Variants in ITPR1 observed in about 807,000 individuals in gnomAD.
The protein encoded by ITPR1 is inositol 1,4,5-trisphosphate-gated calcium channel ITPR1.
In ITPR1, 96 loss-of-function variants were observed where a neutral mutation model predicts 318.4. The observed-to-expected ratio is 0.30, with a 90% CI of 0.26 to 0.36. The LOEUF is 0.36. Among genes scored for constraint, ITPR1 ranks in the 10% least tolerant of loss-of-function variants. ITPR1 has a pLI of 1.00. For synonymous variants in ITPR1, 1,312 were observed against 1,289.9 expected, an observed-to-expected ratio of 1.02 and a Z score of -0.37; for missense variants, 2,440 against 3,460.2, an observed-to-expected ratio of 0.71 and a Z score of 7.40.
chr3:4,626,121 C>G (rs56654107), intron 4 of ITPR1, among the ~76,000 whole-genome samples: 3 of 151,870 alleles, frequency 2.0e-5, no homozygotes, highest in Non-Finnish European at 4.4e-5. Flanking sequence ...GCACTCCAGC[C>G]TGGGCAACAT....
intron 4 of ITPR1, among the ~76,000 whole-genome samples, chr3:4,603,074 G>A (rs1055568840): frequency 1.3e-5 from 2 of 151,992 alleles, no homozygotes; most frequent in Non-Finnish European, 2.9e-5. Context: ...GAAACAACAG[G>A]CATCAAATAA....
chr3:4,609,054 A>ATG (rs1380579466), intron 4 of ITPR1, among the ~76,000 whole-genome samples: 4 of 41,124 alleles, frequency 9.7e-5, no homozygotes, highest in Non-Finnish European at 1.5e-4. Flanking sequence ...ACAACGAAAT[A>ATG]TATATATATA....
At chr3:4,694,881 C>A (rs942905719) in intron 33 of ITPR1, among the ~76,000 whole-genome samples, 2 of 152,126 alleles carry the variant, frequency 1.3e-5, no homozygotes, top group African/African-American at 4.8e-5. Context: ...TTTCCCACCA[C>A]CCTACAGAAA....
intron 7 of ITPR1, among the ~76,000 whole-genome samples, chr3:4,643,374 C>T (rs898147628): frequency 1.3e-5 from 2 of 152,210 alleles, no homozygotes; most frequent in Non-Finnish European, 2.9e-5. Context: ...ATTTTCAGCA[C>T]ATCCTTTGGT....
At chr3:4,761,326 T>G (rs970200146) in intron 44 of ITPR1, among the ~76,000 whole-genome samples, 6 of 152,058 alleles carry the variant, frequency 3.9e-5, no homozygotes, top group Non-Finnish European at 7.4e-5. Context: ...GAGTACCCAA[T>G]GTTTATCTCT....
At chr3:4,611,934 C>T (rs1265110166) in intron 4 of ITPR1, among the ~76,000 whole-genome samples, 1 of 147,564 alleles carries the variant, frequency 6.8e-6, no homozygotes, top group Non-Finnish European at 1.5e-5. Flanking sequence ...CTTTCCATGT[C>T]TGAAGGTTCC....
chr3:4,795,308 A>G (rs2047828686), intron 53 of ITPR1, 121 bp downstream of exon 53: 2 of 798,462 alleles, frequency 2.5e-6, no homozygotes, highest in East Asian at 3.0e-5. Flanking sequence ...ATCCACATTC[A>G]GACAAGAGGA....
chr3:4,548,770 T>C (rs1193270819), intron 4 of ITPR1, among the ~76,000 whole-genome samples: 3 of 152,214 alleles, frequency 2.0e-5, no homozygotes, highest in African/African-American at 4.8e-5. Context: ...AAATAACTAA[T>C]GACCTTTTAA....
chr3:4,682,830 CAAT>C (rs1379676164), intron 26 of ITPR1, among the ~76,000 whole-genome samples: 1 of 152,134 alleles, frequency 6.6e-6, no homozygotes, highest in Non-Finnish European at 1.5e-5. Context: ...GGTGCAGACC[CAAT>C]AATTGACTAG....
At chr3:4,802,966 CTA>C (rs1466271517) in intron 54 of ITPR1, among the ~76,000 whole-genome samples, 2 of 152,126 alleles carry the variant, frequency 1.3e-5, no homozygotes, top group African/African-American at 4.8e-5. Context: ...TCTCACATTG[CTA>C]TAAAATGCCT....
chr3:4,617,575 A>G (rs1323981008), intron 4 of ITPR1, among the ~76,000 whole-genome samples: 1 of 152,216 alleles, frequency 6.6e-6, no homozygotes, highest in Non-Finnish European at 1.5e-5. Context: ...AAATGTCAGC[A>G]TGAGTTTTGG....
At chr3:4,722,228 G>A (rs1414305259) in intron 40 of ITPR1, among the ~76,000 whole-genome samples, 8 of 152,218 alleles carry the variant, frequency 5.3e-5, no homozygotes, top group Admixed American at 5.2e-4. Flanking sequence ...CAAGATTGCA[G>A]AGTAAATATG....
At chr3:4,514,943 G>C (rs1386662991) in intron 2 of ITPR1, among the ~76,000 whole-genome samples, 1 of 152,196 alleles carries the variant, frequency 6.6e-6, no homozygotes, top group African/African-American at 2.4e-5. Flanking sequence ...TTCTAGAGTG[G>C]TACTTGGCAA....
At chr3:4,607,954 G>A (rs1049902817) in intron 4 of ITPR1, among the ~76,000 whole-genome samples, 4 of 152,082 alleles carry the variant, frequency 2.6e-5, no homozygotes, top group Admixed American at 2.0e-4. Flanking sequence ...ATTCAGGCTC[G>A]TCCATCTGCC....
chr3:4,500,428 C>T (rs2080933465), intron 2 of ITPR1, among the ~76,000 whole-genome samples: 1 of 152,166 alleles, frequency 6.6e-6, no homozygotes, highest in Middle Eastern at 3.4e-3. Context: ...TCTCAAACAC[C>T]TAGGCTCAAG....
chr3:4,672,536 G>A (rs914778305), intron 20 of ITPR1, among the ~76,000 whole-genome samples: 5 of 152,202 alleles, frequency 3.3e-5, no homozygotes, highest in Non-Finnish European at 7.3e-5. Flanking sequence ...CTTCTCCCAA[G>A]TGAATGAGAA....
chr3:4,785,572 C>CTT (rs3079648), intron 51 of ITPR1, among the ~76,000 whole-genome samples: 95,387 of 151,892 alleles, frequency 0.63, 30,343 homozygotes, highest in East Asian at 0.89. Flanking sequence ...GAGCAAATAT[C>CTT]TGATTTATCA....
At chr3:4,575,836 T>C (rs1318222472) in intron 4 of ITPR1, among the ~76,000 whole-genome samples, 1 of 151,496 alleles carries the variant, frequency 6.6e-6, no homozygotes, top group African/African-American at 2.4e-5. Flanking sequence ...GCCTGGGCAA[T>C]ATAGTGAGAC....
intron 33 of ITPR1, among the ~76,000 whole-genome samples, chr3:4,695,555 C>T (rs970642294): frequency 6.6e-6 from 1 of 152,162 alleles, no homozygotes; most frequent in African/African-American, 2.4e-5. Context: ...CTGTCCTCAC[C>T]TCCCCCAAGG....
Sources: gnomAD v4.1 joint callset for allele counts (sites outside exome capture counted in the v4.1 genomes callset) on GRCh38, gnomAD v4.1.1 for gene constraint, MANE v1.5 for transcripts, NCBI Gene and HGNC (gene_info 2026-07-23, HGNC 2026-07-21) for gene names.